Variants in BRI3BP observed in about 807,000 individuals in gnomAD.
BRI3BP encodes the protein BRI3 binding protein, also known as BRI3-binding protein.
In BRI3BP, 7 loss-of-function variants were observed where a neutral mutation model predicts 15.8. The ratio of observed to expected loss-of-function variants is 0.44; its 90% CI spans 0.25 to 0.83. BRI3BP has a LOEUF of 0.83. Ranked by LOEUF, BRI3BP falls within the 40% of genes least tolerant of loss-of-function variation. The pLI is 0.20. For synonymous variants in BRI3BP, 192 were observed against 163.5 expected (o/e 1.17, Z -1.33); for missense variants, 320 against 339.3 (o/e 0.94, Z 0.45).
chr12:125,019,634 C>CTTTTTTTTT (rs1565906073), intron 2 of BRI3BP, among the ~76,000 whole-genome samples: 2 of 45,536 alleles, frequency 4.4e-5, no homozygotes, highest in African/African-American at 1.2e-4. Context: ...TTAATTCCAC[C>CTTTTTTTTT]CTTTTTTTTT....
intron 1 of BRI3BP, among the ~76,000 whole-genome samples, chr12:125,000,531 T>C (rs992047458): frequency 6.6e-6 from 1 of 151,490 alleles, no homozygotes; most frequent in African/African-American, 2.4e-5. Flanking sequence ...GCCAGGATGG[T>C]CTCGATCTCC....
At chr12:125,023,216 G>A (rs911788213) in intron 2 of BRI3BP, among the ~76,000 whole-genome samples, 1 of 152,168 alleles carries the variant, frequency 6.6e-6, no homozygotes, top group African/African-American at 2.4e-5. Context: ...TTCTCAGGGA[G>A]GTGGTGAGGC....
chr12:125,038,218 A>G, the BRI3BP span, among the ~76,000 whole-genome samples: 9 of 151,148 alleles, frequency 6.0e-5, no homozygotes, highest in Non-Finnish European at 1.0e-4. Flanking sequence ...CAGAGTTTGC[A>G]GTGAGCCAAG....
At chr12:125,000,305 A>G (rs12828304) in intron 1 of BRI3BP, among the ~76,000 whole-genome samples, 47,307 of 134,628 alleles carry the variant, frequency 0.35, 8,105 homozygotes, top group Middle Eastern at 0.37. Context: ...AAAGTTTCAT[A>G]TGATTTTTTT....
At chr12:124,997,342 A>G (rs2135985614) in intron 1 of BRI3BP, among the ~76,000 whole-genome samples, 1 of 146,950 alleles carries the variant, frequency 6.8e-6, no homozygotes, top group East Asian at 2.1e-4. Context: ...CAGCCTCCCT[A>G]GTAGCTGGGG....
chr12:125,004,836 A>G (rs1336772549), intron 1 of BRI3BP, among the ~76,000 whole-genome samples: 2 of 152,170 alleles, frequency 1.3e-5, no homozygotes, highest in East Asian at 3.9e-4. Flanking sequence ...GACAGTTTTC[A>G]GGAGCATTGA....
chr12:125,020,554 G>T (rs1565906337), intron 2 of BRI3BP, among the ~76,000 whole-genome samples: 1 of 152,208 alleles, frequency 6.6e-6, no homozygotes, highest in East Asian at 1.9e-4. Flanking sequence ...GTAATGGGTT[G>T]TTATTTGAAA....
intron 2 of BRI3BP, among the ~76,000 whole-genome samples, chr12:125,019,660 C>CTTTTTTTTTTTTTTTTT (rs1955278838): frequency 0.013 from 318 of 24,582 alleles, 26 homozygotes; most frequent in East Asian, 0.03. Flanking sequence ...TTTTTTTTGC[C>CTTTTTTTTTTTTTTTTT]TTTTTTGCTG....
At chr12:125,009,363 C>T (rs1395725546) in intron 1 of BRI3BP, among the ~76,000 whole-genome samples, 1 of 143,092 alleles carries the variant, frequency 7.0e-6, no homozygotes. Context: ...GATCTCGGCT[C>T]ATTGCAACCT....
Position 124,993,772 on chromosome 12 carries a change from C to G in BRI3BP, c.-19C>G, listed in dbSNP as rs773788318. 4.0e-6 allele frequency: 4 copies of G among 1,008,116 alleles called. No homozygotes were observed. Among genetic ancestry groups the G allele is most frequent in the Non-Finnish European group, 4.7e-6 (4 of 847,590 alleles). 62.4% of individuals were successfully genotyped at this position (1,008,116 alleles called of 1,614,324 possible). On this transcript the variant is annotated 5_prime_UTR_variant, in exon 1 of 3. Transcript: ENST00000341446. Reference sequence around the variant, plus strand: ...CGGCCCTCACCCCGCATCGCGACCCCGCGCCCCGCCGGCCGAGCATGGGCG... The same window carrying G: ...CGGCCCTCACCCCGCATCGCGACCCGGCGCCCCGCCGGCCGAGCATGGGCG...
chr12:125,044,095 ACGAT>A, the BRI3BP span, among the ~76,000 whole-genome samples: 1 of 151,382 alleles, frequency 6.6e-6, no homozygotes, highest in Non-Finnish European at 1.5e-5. Flanking sequence ...ACACAAATTG[ACGAT>A]GTTGGGATTA....
chr12:125,005,176 T>C (rs556042078), intron 1 of BRI3BP, among the ~76,000 whole-genome samples: 4 of 152,272 alleles, frequency 2.6e-5, no homozygotes, highest in East Asian at 1.9e-4. Flanking sequence ...ATGCTCCCAA[T>C]TGGAATTTGT....
chr12:125,005,304 C>T (rs1020439503), intron 1 of BRI3BP, among the ~76,000 whole-genome samples: 1 of 152,198 alleles, frequency 6.6e-6, no homozygotes, highest in Non-Finnish European at 1.5e-5. Context: ...ATTTAAGTCA[C>T]TTTTAATTTT....
the BRI3BP span, among the ~76,000 whole-genome samples, chr12:125,050,276 G>A: frequency 6.6e-6 from 1 of 151,910 alleles, no homozygotes; most frequent in Admixed American, 6.6e-5. Context: ...CTTAAACCCG[G>A]GAGGCAGAGG....
the BRI3BP span, among the ~76,000 whole-genome samples, chr12:125,047,522 A>AGTGCAGTG: frequency 6.8e-6 from 1 of 147,940 alleles, no homozygotes; most frequent in East Asian, 2.0e-4. Context: ...CCCAGGCTGG[A>AGTGCAGTG]GTGCAGTGGT....
chr12:125,035,539 G>A (rs576285722), downstream of BRI3BP, among the ~76,000 whole-genome samples: 7 of 151,938 alleles, frequency 4.6e-5, no homozygotes, highest in Admixed American at 6.6e-5. Context: ...GACTACAGGT[G>A]TGTGCTATCA....
intron 1 of BRI3BP, among the ~76,000 whole-genome samples, chr12:125,008,841 T>C (rs1476324950): frequency 6.6e-6 from 1 of 152,180 alleles, no homozygotes; most frequent in African/African-American, 2.4e-5. Context: ...CTTGTTTTCC[T>C]GCAACTAGAC....
At chr12:125,000,056 G>T (rs1283088762) in intron 1 of BRI3BP, among the ~76,000 whole-genome samples, 2 of 112,466 alleles carry the variant, frequency 1.8e-5, no homozygotes, top group African/African-American at 3.4e-5. Context: ...GAGCTGTTGG[G>T]TTCTTTTGTT....
At chr12:124,994,699 C>T (rs139140217) in intron 1 of BRI3BP, among the ~76,000 whole-genome samples, 225 of 152,208 alleles carry the variant, frequency 1.5e-3, no homozygotes, top group African/African-American at 5.2e-3. Context: ...GAGCTAGGTG[C>T]GATAGGGGTG....
Sources: allele counts gnomAD v4.1 joint callset (sites outside exome capture counted in the v4.1 genomes callset), GRCh38; gene constraint gnomAD v4.1.1; transcripts MANE v1.5; gene names NCBI Gene and HGNC (gene_info 2026-07-23, HGNC 2026-07-21).